SV2B: variants seen among roughly 807,000 people sequenced by gnomAD.
SV2B encodes the protein synaptic vesicle glycoprotein 2B.
Under a neutral mutation model 73.9 loss-of-function variants are expected in SV2B, and 41 were observed. The observed-to-expected ratio is 0.56, with a 90% CI of 0.43 to 0.72. The LOEUF (loss-of-function observed/expected upper bound fraction) is 0.72. Ranked by LOEUF, SV2B falls within the 30% of genes least tolerant of loss-of-function variation. The pLI is 0.00. For synonymous variants in SV2B, 314 were observed against 314.2 expected (o/e 1.00, Z 0.01); for missense variants, 764 against 857.8 (o/e 0.89, Z 1.37).
chr15:91,256,393 A>G (rs1169242019), intron 4 of SV2B, among the ~76,000 whole-genome samples: 1 of 152,228 alleles, frequency 6.6e-6, no homozygotes, highest in East Asian at 1.9e-4. Flanking sequence ...TGTGCATATT[A>G]TCATAAAGAA....
chr15:91,149,398 T>C lies in SV2B; in HGVS notation c.-392+49035T>C, dbSNP rs373125752. 4.0e-4 allele frequency among the ~76,000 whole-genome samples: 61 copies of C among 152,328 alleles called. 3 individuals carry two copies. The South Asian group carries it at 0.012, about 31-fold the overall frequency. ...GTGATCCGTAAATGCTTCTTGATCT[T>C]TTAAAAAATTAAGAGCTGGTGATTG... On this transcript the variant is annotated intron_variant, in intron 1 of 12. Transcript: ENST00000394232.
At chr15:91,282,131 G>A (rs1024251493) in intron 10 of SV2B, among the ~76,000 whole-genome samples, 2 of 152,222 alleles carry the variant, frequency 1.3e-5, no homozygotes, top group African/African-American at 4.8e-5. Flanking sequence ...ATGTCAGTGA[G>A]GCTGATGCTA....
At chr15:91,170,069 T>A (rs2044067400) in intron 1 of SV2B, among the ~76,000 whole-genome samples, 5 of 152,314 alleles carry the variant, frequency 3.3e-5, no homozygotes, top group Admixed American at 2.6e-4. Flanking sequence ...TCATCAAAGG[T>A]TTAAAACAAT....
rs1263044938 is a variant in SV2B, at chr15:91,295,468, T to C, written c.*2916T>C. The C allele has an allele frequency of 2.0e-5, 3 of 152,238 alleles. No homozygotes were observed. The highest frequency in any genetic ancestry group is 7.2e-5 in the African/African-American group (3 of 41,456). The allele number at this position is 152,238 out of a possible 1,614,324, so 9.4% of individuals were successfully genotyped here. A position where few individuals can be genotyped will look rare whatever the true frequency, so the allele number is the denominator to read the frequency against. Reference sequence around the variant, plus strand: ...TCAGGCACTAAGGTCTCTTCTGTATTCCAAAATTGATTGAATCAGCTGGGA... The same window carrying C: ...TCAGGCACTAAGGTCTCTTCTGTATCCCAAAATTGATTGAATCAGCTGGGA... On this transcript the variant is annotated 3_prime_UTR_variant, in exon 13 of 13. Transcript: ENST00000394232.
intron 1 of SV2B, among the ~76,000 whole-genome samples, chr15:91,161,543 T>A (rs1356612928): frequency 1.3e-5 from 2 of 152,226 alleles, no homozygotes; most frequent in African/African-American, 4.8e-5. Flanking sequence ...TTACAATGTA[T>A]TAGGCACTGT....
At position 91,268,199 on chromosome 15, in the gene SV2B, T is replaced by C. The variant is rs1371728367; in HGVS notation, c.1209-242T>C. Among the ~76,000 whole-genome samples the C allele has an allele frequency of 6.6e-6, 1 of 152,230 alleles. No homozygotes were observed. Among genetic ancestry groups the C allele is most frequent in the Non-Finnish European group, 1.5e-5 (1 of 68,044 alleles). ...GAGGTGTCCCTCAACCCCTAATCTA[T>C]TGGTGTTTGTATCAGGAAAACATTT... is the stretch of plus-strand genomic sequence containing the variant. On this transcript the variant is annotated intron_variant, in intron 8 of 12. Coordinates refer to ENST00000394232, the MANE Select transcript of SV2B (RefSeq NM_001323032.3). This position sits in a 1 kb window ranked among gnomAD's most constrained non-coding sequence, Gnocchi z 4.4.
At chr15:91,133,812 G>C (rs1488710208) in intron 1 of SV2B, among the ~76,000 whole-genome samples, 1 of 152,082 alleles carries the variant, frequency 6.6e-6, no homozygotes, top group Non-Finnish European at 1.5e-5. Context: ...GAGCCTTCCA[G>C]GTATGCGATC....
At chr15:91,165,629 C>T (rs1312163055) in intron 1 of SV2B, among the ~76,000 whole-genome samples, 1 of 152,126 alleles carries the variant, frequency 6.6e-6, no homozygotes, top group East Asian at 1.9e-4. Context: ...TATTTGAGCC[C>T]TTAAGGTCTC....
In SV2B at chr15:91,288,354, G is replaced by A. The variant is rs1025919934; in HGVS notation, c.1709-1167G>A. ...CATATATACGATGTGGAATGATTAA[G>A]TCAAGCTAATTAACATATCCATCAC... On this transcript the variant is annotated intron_variant, in intron 11 of 12. Transcript: ENST00000394232. This position sits in a 1 kb window ranked among gnomAD's most constrained non-coding sequence, Gnocchi z 5.8. Among the ~76,000 whole-genome samples the A allele has an allele frequency of 2.0e-5, 3 of 152,180 alleles. No individual in the cohort carries two copies. The highest frequency in any genetic ancestry group is 4.4e-5 in the Non-Finnish European group (3 of 68,042).
intron 1 of SV2B, among the ~76,000 whole-genome samples, chr15:91,211,122 G>T (rs111575973): frequency 1.3e-5 from 2 of 152,192 alleles, no homozygotes; most frequent in African/African-American, 4.8e-5. Flanking sequence ...CCAAATCAAC[G>T]GCAGTAGTTT....
Position 91,229,681 on chromosome 15 carries a change from C to G in SV2B, c.451+2967C>G, listed in dbSNP as rs2046500088. Among the ~76,000 whole-genome samples, 1 of 152,196 alleles carries G rather than the reference C, an allele frequency of 6.6e-6. No homozygotes were observed. Among genetic ancestry groups the G allele is most frequent in the African/African-American group, 2.4e-5 (1 of 41,452 alleles). On this transcript the variant is annotated intron_variant, in intron 2 of 12. Transcript: ENST00000394232. The surrounding 1 kb of genome is among the most constrained non-coding windows in gnomAD (Gnocchi z 4.3). ...AATAAGGTTAATCCATTTAACATGA[C>G]TAAAACAGTACCTGCCCCTAATCAG...
chr15:91,184,349 A>T (rs778432804), intron 1 of SV2B, among the ~76,000 whole-genome samples: 3 of 152,152 alleles, frequency 2.0e-5, no homozygotes, highest in Non-Finnish European at 4.4e-5. Context: ...TTGAATTCTG[A>T]TCTCTTCAGG....
chr15:91,217,417 G>A (rs920838689), intron 1 of SV2B, among the ~76,000 whole-genome samples: 3 of 152,222 alleles, frequency 2.0e-5, no homozygotes, highest in East Asian at 3.9e-4. Flanking sequence ...AATTCTGAAC[G>A]TTTGGGGGGA....
At position 91,224,785 on chromosome 15, in the gene SV2B, A is replaced by C. The variant is rs1365136362; in HGVS notation, c.-391-1088A>C. 6.6e-6 allele frequency among the ~76,000 whole-genome samples: 1 copy of C among 152,094 alleles called. No individual in the cohort carries two copies. The highest frequency in any genetic ancestry group is 1.9e-4 in the East Asian group (1 of 5,190). Reference sequence around the variant, plus strand: ...GAATTACAGATAAGAGATGTGATACACTCAGCACATGTTCTGGCACACAGT... The same window carrying C: ...GAATTACAGATAAGAGATGTGATACCCTCAGCACATGTTCTGGCACACAGT... On this transcript the variant is annotated intron_variant, in intron 1 of 12. Coordinates refer to ENST00000394232, the MANE Select transcript of SV2B (RefSeq NM_001323032.3). This position sits in a 1 kb window ranked among gnomAD's most constrained non-coding sequence, Gnocchi z 4.9.
chr15:91,260,589 C>T (rs1485247992), intron 6 of SV2B, among the ~76,000 whole-genome samples, 180 bp downstream of exon 6: 1 of 152,022 alleles, frequency 6.6e-6, no homozygotes, highest in Non-Finnish European at 1.5e-5. Context: ...TGAGGTTTTT[C>T]CTTAGGTTGC....
At chr15:91,225,204 C>G (rs2046333456) in intron 1 of SV2B, among the ~76,000 whole-genome samples, 1 of 152,200 alleles carries the variant, frequency 6.6e-6, no homozygotes, top group East Asian at 1.9e-4. Context: ...GTATCCTCAG[C>G]CCCCTGTTCC....
chr15:91,292,558 C>T lies in SV2B; in HGVS notation c.*6C>T, dbSNP rs1435576567. Reference sequence around the variant, plus strand: ...GAGAACAGGTCCTGATGTGAACAACCTATGGGAAAAGGAAAGGTCGAGAGA... The same window carrying T: ...GAGAACAGGTCCTGATGTGAACAACTTATGGGAAAAGGAAAGGTCGAGAGA... On this transcript the variant is annotated 3_prime_UTR_variant, in exon 13 of 13. Coordinates refer to ENST00000394232, the MANE Select transcript of SV2B (RefSeq NM_001323032.3). 1 of 1,608,266 alleles carries T rather than the reference C, an allele frequency of 6.2e-7. No individual in the cohort carries two copies. Among genetic ancestry groups the T allele is most frequent in the African/African-American group, 1.3e-5 (1 of 74,546 alleles).
At chr15:91,222,196 A>T (rs2046242249) in intron 1 of SV2B, among the ~76,000 whole-genome samples, 1 of 152,138 alleles carries the variant, frequency 6.6e-6, no homozygotes, top group Admixed American at 6.5e-5. Flanking sequence ...CCCTTGGAGA[A>T]CAAATATTTG....
rs2048697674 is a variant in SV2B, at chr15:91,281,997, A to G, written c.1507+136A>G. 9.0e-7 allele frequency: 1 copy of G among 1,105,848 alleles called. No homozygotes were observed. The highest frequency in any genetic ancestry group is 1.6e-5 in the African/African-American group (1 of 61,954). 68.5% of individuals were successfully genotyped at this position (1,105,848 alleles called of 1,614,324 possible). A position where few individuals can be genotyped will look rare whatever the true frequency, so the allele number is the denominator to read the frequency against. On this transcript the variant is annotated intron_variant, in intron 10 of 12. Coordinates refer to ENST00000394232, the MANE Select transcript of SV2B (RefSeq NM_001323032.3). The surrounding 1 kb of genome is among the most constrained non-coding windows in gnomAD (Gnocchi z 4.7). ...TACAAATGCCAAGCCTTGGTGGGGA[A>G]ATGGATTTTAGCCCCAGGCATGGCA... is the stretch of plus-strand genomic sequence containing the variant.
Sources: gnomAD v4.1 joint callset for allele counts (sites outside exome capture counted in the v4.1 genomes callset) on GRCh38, gnomAD v4.1.1 for gene constraint, Gnocchi (gnomAD v3.1) non-coding constraint, MANE v1.5 for transcripts, NCBI Gene and HGNC (gene_info 2026-07-23, HGNC 2026-07-21) for gene names.